ZBTB20: variants seen among roughly 807,000 people sequenced by gnomAD.
The protein encoded by ZBTB20 is zinc finger and BTB domain-containing protein 20.
ZBTB20 carries 9 observed loss-of-function variants against 56.9 expected under a neutral mutation model. The ratio of observed to expected loss-of-function variants is 0.16; its 90% CI spans 0.10 to 0.28. The LOEUF (loss-of-function observed/expected upper bound fraction) is 0.28. Among genes scored for constraint, ZBTB20 ranks in the 10% least tolerant of loss-of-function variants. The probability of loss-of-function intolerance (pLI) is 1.00; values close to 1 mark genes in which losing one functional copy is unlikely to be tolerated. For synonymous variants in ZBTB20, 417 were observed against 420.7 expected (o/e 0.99, Z 0.11); for missense variants, 655 against 1,003.0 (o/e 0.65, Z 4.69).
chr3:115,054,324 C>T (rs1431726581), intron 2 of ZBTB20, among the ~76,000 whole-genome samples: 2 of 152,102 alleles, frequency 1.3e-5, no homozygotes, highest in Non-Finnish European at 2.9e-5. Context: ...CAATAGTCAT[C>T]CAGTTTAATT....
intron 6 of ZBTB20, among the ~76,000 whole-genome samples, chr3:114,517,648 C>T (rs1452226263): frequency 6.6e-6 from 1 of 151,668 alleles, no homozygotes; most frequent in Non-Finnish European, 1.5e-5. Flanking sequence ...ACGATCTCGG[C>T]TCACTGCACC....
chr3:114,413,087 T>A (rs2088145826), intron 7 of ZBTB20, among the ~76,000 whole-genome samples: 1 of 152,110 alleles, frequency 6.6e-6, no homozygotes, highest in Non-Finnish European at 1.5e-5. Context: ...TGGGATACTT[T>A]CTGGATGAAG....
chr3:114,490,045 T>C (rs1447535829), intron 7 of ZBTB20, among the ~76,000 whole-genome samples: 1 of 152,214 alleles, frequency 6.6e-6, no homozygotes, highest in Non-Finnish European at 1.5e-5. Flanking sequence ...AGTACCCTGG[T>C]ACGTTTCTAG....
intron 2 of ZBTB20, among the ~76,000 whole-genome samples, chr3:115,062,468 G>T (rs2082046706): frequency 1.3e-5 from 2 of 151,782 alleles, no homozygotes; most frequent in Admixed American, 1.3e-4. Flanking sequence ...TTCTATCTTG[G>T]TCTCTGCCTC....
At chr3:114,936,060 A>G (rs2076523997) in intron 3 of ZBTB20, among the ~76,000 whole-genome samples, 4 of 152,212 alleles carry the variant, frequency 2.6e-5, no homozygotes, top group Admixed American at 2.6e-4. Flanking sequence ...CATAATTTAA[A>G]TACCTGATAG....
chr3:114,993,312 T>C (rs2078895948), intron 2 of ZBTB20, among the ~76,000 whole-genome samples: 1 of 151,930 alleles, frequency 6.6e-6, no homozygotes, highest in Non-Finnish European at 1.5e-5. Flanking sequence ...AAGAAGGTGA[T>C]ATTTGAGCAG....
chr3:115,134,244 C>G (rs1360497956), intron 1 of ZBTB20, among the ~76,000 whole-genome samples: 1 of 152,088 alleles, frequency 6.6e-6, no homozygotes, highest in East Asian at 1.9e-4. Flanking sequence ...CCTCTTCATC[C>G]AAAAGATATC....
At chr3:114,908,497 T>C (rs1216614180) in intron 3 of ZBTB20, among the ~76,000 whole-genome samples, 1 of 151,956 alleles carries the variant, frequency 6.6e-6, no homozygotes, top group East Asian at 1.9e-4. Context: ...CTGGAATACC[T>C]AGAAGAAACA....
chr3:114,501,353 G>C (rs566091177), intron 6 of ZBTB20, among the ~76,000 whole-genome samples: 1 of 152,054 alleles, frequency 6.6e-6, no homozygotes, highest in African/African-American at 2.4e-5. Context: ...GGCTAGGCGC[G>C]GTGGCTCACG....
At chr3:114,739,257 G>A (rs138292831) in intron 5 of ZBTB20, among the ~76,000 whole-genome samples, 28 of 152,324 alleles carry the variant, frequency 1.8e-4, no homozygotes, top group African/African-American at 6.3e-4. Context: ...GTGCAATTCA[G>A]TTTGAGAACT....
chr3:114,759,275 T>C (rs914111552), intron 5 of ZBTB20: 3 of 152,074 alleles, frequency 2.0e-5, no homozygotes, highest in South Asian at 2.1e-4. Flanking sequence ...GCTAGATTGC[T>C]ATGATTCAGA....
intron 7 of ZBTB20, among the ~76,000 whole-genome samples, chr3:114,409,913 G>T (rs1188899413): frequency 6.6e-6 from 1 of 152,122 alleles, no homozygotes; most frequent in Non-Finnish European, 1.5e-5. Flanking sequence ...TTTATATAGG[G>T]TGACTATATG....
At chr3:114,400,022 G>A (rs533813772) in intron 7 of ZBTB20, among the ~76,000 whole-genome samples, 1 of 152,086 alleles carries the variant, frequency 6.6e-6, no homozygotes, top group Non-Finnish European at 1.5e-5. Flanking sequence ...TAGCTAATGA[G>A]TAGTAGAACT....
At chr3:114,979,183 T>C (rs1438407682) in intron 2 of ZBTB20, among the ~76,000 whole-genome samples, 1 of 152,014 alleles carries the variant, frequency 6.6e-6, no homozygotes, top group Admixed American at 6.6e-5. Context: ...CAGCCTGGAA[T>C]GTAGAAAACT....
chr3:114,800,363 G>A (rs928335406), intron 5 of ZBTB20, among the ~76,000 whole-genome samples: 1 of 151,722 alleles, frequency 6.6e-6, no homozygotes, highest in African/African-American at 2.4e-5. Flanking sequence ...TTATTCAGAC[G>A]TTGAAATCCC....
At chr3:114,414,637 G>C (rs1448305182) in intron 7 of ZBTB20, among the ~76,000 whole-genome samples, 1 of 150,864 alleles carries the variant, frequency 6.6e-6, no homozygotes, top group African/African-American at 2.4e-5. Context: ...CAAAATACCT[G>C]TATCTTAATT....
intron 6 of ZBTB20, among the ~76,000 whole-genome samples, chr3:114,641,797 G>C (rs2059575970): frequency 6.6e-6 from 1 of 151,750 alleles, no homozygotes; most frequent in Non-Finnish European, 1.5e-5. Context: ...AAAGTATATG[G>C]AGGGTGTCTT....
chr3:114,783,667 C>A, intron 5 of ZBTB20, among the ~76,000 whole-genome samples: 1 of 151,764 alleles, frequency 6.6e-6, no homozygotes, highest in East Asian at 1.9e-4. Context: ...GTGACACGTG[C>A]CTGTAATCCC....
At chr3:114,702,790 G>T (rs930854519) in intron 5 of ZBTB20, among the ~76,000 whole-genome samples, 1 of 151,832 alleles carries the variant, frequency 6.6e-6, no homozygotes, top group Non-Finnish European at 1.5e-5. Flanking sequence ...TAATACTCTT[G>T]AATAAATAAA....
Sources: gnomAD v4.1 joint callset for allele counts (sites outside exome capture counted in the v4.1 genomes callset) on GRCh38, gnomAD v4.1.1 for gene constraint, MANE v1.5 for transcripts, NCBI Gene and HGNC (gene_info 2026-07-23, HGNC 2026-07-21) for gene names.